Variants in CFAP20DC observed in about 807,000 individuals in gnomAD.
CFAP20DC encodes the protein CFAP20 domain containing, also known as protein CFAP20DC.
A neutral mutation model predicts 101.7 loss-of-function variants in CFAP20DC; 84 were observed. The ratio of observed to expected loss-of-function variants is 0.83; its 90% CI spans 0.69 to 0.99. The LOEUF is 0.99. CFAP20DC is among the 50% of genes least tolerant of loss of function. The pLI is 0.00. For synonymous variants in CFAP20DC, 359 were observed against 351.2 expected (o/e 1.02, Z -0.25); for missense variants, 1,007 against 970.3 (o/e 1.04, Z -0.50).
intron 12 of CFAP20DC, among the ~76,000 whole-genome samples, chr3:58,855,467 C>G (rs1184296130): frequency 6.6e-6 from 1 of 152,086 alleles, no homozygotes. Context: ...TACCATTTGA[C>G]CCAGCCATCC....
At position 58,792,846 on chromosome 3, in the gene CFAP20DC, A is replaced by T. The variant is rs17059826; in HGVS notation, c.2237+13549T>A. On this transcript the variant is annotated intron_variant, in intron 15 of 16. Coordinates refer to ENST00000482387, the MANE Select transcript of CFAP20DC (RefSeq NM_001394063.1). The stretch of plus-strand genomic sequence containing the variant: ...CTGTTAGAAGATAAATTCTTGTTGT[A>T]AGTGATTTAAATGCTTGAAGAAAAA... 9.6e-3 allele frequency among the ~76,000 whole-genome samples: 1,457 copies of T among 152,182 alleles called. 20 individuals are homozygous for T. The highest frequency in any genetic ancestry group is 0.033 in the African/African-American group (1,376 of 41,534).
In CFAP20DC at chr3:58,849,047, C is replaced by G. The variant is rs577295213; in HGVS notation, c.1956G>C (p.Ser652=). Residue 652 remains serine, a synonymous_variant, in exon 13 of 17, where the codon TCG becomes TCC. Coordinates refer to ENST00000482387, the MANE Select transcript of CFAP20DC (RefSeq NM_001394063.1). ...AACCACTTACAGATGCTTCGGGGAT[C>G]GAGCTCAGCCTTTCCCCTGAGATTT... is the stretch of plus-strand genomic sequence containing the variant. The part of the protein sequence containing the change: ...LKEISGERLS[S]IPEASEYDWR... 1.3e-6 allele frequency: 2 copies of G among 1,535,418 alleles called. No homozygotes were observed. Among genetic ancestry groups the G allele is most frequent in the Non-Finnish European group, 1.7e-6 (2 of 1,146,616 alleles).
At chr3:58,796,719 A>T (rs1227705445) in intron 15 of CFAP20DC, among the ~76,000 whole-genome samples, 1 of 152,172 alleles carries the variant, frequency 6.6e-6, no homozygotes, top group Non-Finnish European at 1.5e-5. Flanking sequence ...TTCTTCACAG[A>T]TGCTGAATTC....
chr3:58,909,679 C>A (rs778407415), intron 6 of CFAP20DC, among the ~76,000 whole-genome samples: 2 of 152,030 alleles, frequency 1.3e-5, no homozygotes, highest in African/African-American at 4.8e-5. Context: ...AATCCTTTTG[C>A]TTTCTTTTCT....
rs756554783 is a variant in CFAP20DC, at chr3:58,751,350, A to T, written c.2332+2419T>A. 1.2e-3 allele frequency among the ~76,000 whole-genome samples: 184 copies of T among 152,352 alleles called. 1 individual carries two copies. The highest frequency in any genetic ancestry group is 2.3e-3 in the Non-Finnish European group (154 of 68,036). On this transcript the variant is annotated intron_variant, in intron 16 of 16. Coordinates refer to ENST00000482387, the MANE Select transcript of CFAP20DC (RefSeq NM_001394063.1). ...TCTACTTAGGTAAGACTGTCTGGGA[A>T]GGCCTGTAAGAAGATAAACAACATG... is the stretch of plus-strand genomic sequence containing the variant.
In CFAP20DC at chr3:58,899,540, C is replaced by G. The variant is rs2082963029; in HGVS notation, c.550+14168G>C. Among the ~76,000 whole-genome samples the G allele has an allele frequency of 6.6e-6, 1 of 152,220 alleles. No homozygotes were observed. On this transcript the variant is annotated intron_variant, in intron 6 of 16. Transcript: ENST00000482387. The surrounding 1 kb of genome is among the most constrained non-coding windows in gnomAD (Gnocchi z 5.0). ...TGGAGTATGCAAAACTCCTGGGTCT[C>G]TGTGTGTGCCTGAGTGGCTGCTCTG... is the stretch of plus-strand genomic sequence containing the variant.
At chr3:58,796,088 G>A (rs2073221099) in intron 15 of CFAP20DC, among the ~76,000 whole-genome samples, 1 of 152,200 alleles carries the variant, frequency 6.6e-6, no homozygotes, top group African/African-American at 2.4e-5. Flanking sequence ...CCGGGTCAGT[G>A]TAACTGGACC....
At chr3:58,723,822 T>G (rs893507404) in intron 3 of CFAP20DC, among the ~76,000 whole-genome samples, 1 of 152,192 alleles carries the variant, frequency 6.6e-6, no homozygotes, top group African/African-American at 2.4e-5. Context: ...ATGACCACTG[T>G]TTTCATTATA....
intron 15 of CFAP20DC, among the ~76,000 whole-genome samples, chr3:58,787,253 A>C (rs2072431013): frequency 6.8e-6 from 1 of 148,080 alleles, no homozygotes; most frequent in African/African-American, 2.5e-5. Flanking sequence ...AAAACCAAAC[A>C]CTGCATATTC....
At chr3:58,780,062 A>C (rs1487936909) in intron 15 of CFAP20DC, among the ~76,000 whole-genome samples, 1 of 152,144 alleles carries the variant, frequency 6.6e-6, no homozygotes, top group Non-Finnish European at 1.5e-5. Flanking sequence ...GATATATTCA[A>C]AGAGTTGAAA....
chr3:58,765,465 T>G (rs1158030024), intron 15 of CFAP20DC, among the ~76,000 whole-genome samples: 2 of 107,970 alleles, frequency 1.9e-5, no homozygotes, highest in African/African-American at 3.8e-5. Flanking sequence ...GAGAACACAT[T>G]CTAGCCAAAA....
intron 14 of CFAP20DC, among the ~76,000 whole-genome samples, chr3:58,820,542 A>G (rs1206818188): frequency 1.3e-5 from 2 of 151,464 alleles, no homozygotes; most frequent in South Asian, 2.1e-4. Flanking sequence ...TCCCATTCAC[A>G]ATTGCTTCAA....
chr3:58,876,602 G>T (rs1370034072), intron 7 of CFAP20DC, among the ~76,000 whole-genome samples: 1 of 151,986 alleles, frequency 6.6e-6, no homozygotes, highest in Non-Finnish European at 1.5e-5. Flanking sequence ...TTTACTGAGG[G>T]GTACATGCCT....
At chr3:58,925,867 CA>C (rs2085905006) in intron 5 of CFAP20DC, among the ~76,000 whole-genome samples, 1 of 152,246 alleles carries the variant, frequency 6.6e-6, no homozygotes, top group East Asian at 1.9e-4. Context: ...AGCATTCTGC[CA>C]ATTTAAGTAT....
intron 14 of CFAP20DC, among the ~76,000 whole-genome samples, chr3:58,817,124 C>A (rs1260298212): frequency 6.6e-6 from 1 of 151,896 alleles, no homozygotes; most frequent in Non-Finnish European, 1.5e-5. Flanking sequence ...GACATCCACA[C>A]CGAAAACCCA....
chr3:58,995,831 C>T (rs1365679122), intron 4 of CFAP20DC, among the ~76,000 whole-genome samples: 3 of 152,158 alleles, frequency 2.0e-5, no homozygotes, highest in Non-Finnish European at 4.4e-5. Flanking sequence ...TGGACTGGAG[C>T]TTATACCATT....
At chr3:58,725,516 C>A (rs1281845961) in intron 3 of CFAP20DC, among the ~76,000 whole-genome samples, 1 of 152,222 alleles carries the variant, frequency 6.6e-6, no homozygotes, top group Non-Finnish European at 1.5e-5. Context: ...GTGGTTCAAT[C>A]ACCTGACAGG....
chr3:58,949,394 C>G (rs924217489), intron 4 of CFAP20DC, among the ~76,000 whole-genome samples: 1 of 152,136 alleles, frequency 6.6e-6, no homozygotes, highest in Non-Finnish European at 1.5e-5. Flanking sequence ...AATTTTAGAT[C>G]TTTCCTGCTT....
intron 14 of CFAP20DC, among the ~76,000 whole-genome samples, chr3:58,809,479 A>G (rs963140264): frequency 3.9e-5 from 6 of 152,172 alleles, no homozygotes; most frequent in African/African-American, 1.2e-4. Flanking sequence ...ATGAAGGCAG[A>G]AATAAAGATG....
Sources: gnomAD v4.1 joint callset for allele counts (sites outside exome capture counted in the v4.1 genomes callset) on GRCh38, gnomAD v4.1.1 for gene constraint, Gnocchi (gnomAD v3.1) non-coding constraint, MANE v1.5 for transcripts, NCBI Gene and HGNC (gene_info 2026-07-23, HGNC 2026-07-21) for gene names.